Variants in TMEM106C observed in about 807,000 individuals in gnomAD.
TMEM106C encodes transmembrane protein 106C, also known as endoplasmic reticulum membrane protein overexpressed in cancer.
Under a neutral mutation model 30.8 loss-of-function variants are expected in TMEM106C, and 27 were observed. That is an observed-to-expected ratio of 0.88 (90% CI 0.65 to 1.21). The LOEUF is 1.21. Ranked by LOEUF, TMEM106C falls within the 50% of genes most tolerant of loss-of-function variation. The pLI is 0.00. For missense variants in TMEM106C, 288 were observed against 307.8 expected, an observed-to-expected ratio of 0.94 and a Z score of 0.48; for synonymous variants, 123 against 118.8, an observed-to-expected ratio of 1.04 and a Z score of -0.23.
intron 2 of TMEM106C, chr12:47,964,625 T>C: frequency 1.7e-6 from 1 of 584,320 alleles, no homozygotes; most frequent in Non-Finnish European, 3.1e-6. Context: ...CTTTCTTTTC[T>C]TTACCGCCAC....
In TMEM106C at chr12:47,964,600, CT is replaced by C. The variant is rs1350205388; in HGVS notation, c.187+179del. On this transcript the variant is annotated intron_variant, in intron 2 of 7. Transcript: ENST00000429772. ...CAGTTCTGCAACTTCTCTTCCTCTC[CT>C]TATTTTTCCAACCCTTTCTTTTCTT... is the stretch of plus-strand genomic sequence containing the variant. The C allele has an allele frequency of 8.2e-6, 5 of 609,272 alleles. No homozygotes were observed. In the African/African-American group the frequency reaches 9.2e-5, roughly 11 times the overall value. 37.7% of individuals were successfully genotyped at this position (609,272 alleles called of 1,614,324 possible).
Position 47,968,125 on chromosome 12 carries a change from T to C in TMEM106C, c.657-8T>C, listed in dbSNP as rs1938304090. On this transcript the variant is annotated splice_region_variant and splice_polypyrimidine_tract_variant and intron_variant, in intron 7 of 7. Transcript: ENST00000429772. ...ATAATTAATTCTTCTTGGTTTTCTT[T>C]TCCCTAGAACTTCAGTGAAGATTTC... The C allele has an allele frequency of 1.9e-6, 3 of 1,607,394 alleles. No individual in the cohort carries two copies. The highest frequency in any genetic ancestry group is 2.6e-6 in the Non-Finnish European group (3 of 1,174,072).
At position 47,966,187 on chromosome 12, in the gene TMEM106C, G is replaced by A. The variant is rs1054461294; in HGVS notation, c.510G>A (p.Val170=). The change falls in exon 5 of 8, where the codon GTG becomes GTA. Residue 170 remains valine, a synonymous_variant. Transcript: ENST00000429772. ...TGAACACAGTGGTCAGTACATATGT[G>A]ACTACTAACGTCTCCCTTATTCCAC... ...QYMNTVVSTY[V]TTNVSLIPPR... 3.1e-6 allele frequency: 5 copies of A among 1,613,810 alleles called. No individual in the cohort carries two copies. The African/African-American group carries it at 6.7e-5, about 22-fold the overall frequency.
chr12:47,968,253 C>A lies in TMEM106C; in HGVS notation c.*24C>A, dbSNP rs1938312410. On this transcript the variant is annotated 3_prime_UTR_variant, in exon 8 of 8. Transcript: ENST00000429772. ...AACAACTGCTATTGGTTCTTCCACA[C>A]AGCGCCTGTAGAAGAGAGCACAGCA... 1 of 1,553,932 alleles carries A rather than the reference C, an allele frequency of 6.4e-7. No individual in the cohort carries two copies. The highest frequency in any genetic ancestry group is 8.9e-7 in the Non-Finnish European group (1 of 1,126,258).
At position 47,964,804 on chromosome 12, in the gene TMEM106C, G is replaced by A. The variant is rs1023067450; in HGVS notation, c.187+381G>A. The stretch of plus-strand genomic sequence containing the variant: ...GGTAGCTAATCCTTAACAGCCTAAG[G>A]TCAGAAAAATATATCAGGTCAAGAG... On this transcript the variant is annotated intron_variant, in intron 2 of 7. Coordinates refer to ENST00000429772, the MANE Select transcript of TMEM106C (RefSeq NM_001143842.2). 2.9e-5 allele frequency: 9 copies of A among 309,090 alleles called. No individual in the cohort carries two copies. In the East Asian group the frequency reaches 4.2e-4, roughly 15 times the overall value. 19.1% of individuals were successfully genotyped at this position (309,090 alleles called of 1,614,324 possible). A position where few individuals can be genotyped will look rare whatever the true frequency, so the allele number is the denominator to read the frequency against.
Position 47,965,830 on chromosome 12 carries a change from A to G in TMEM106C, c.252-8A>G, listed in dbSNP as rs1938199388. On this transcript the variant is annotated splice_region_variant and splice_polypyrimidine_tract_variant and intron_variant, in intron 3 of 7. Coordinates refer to ENST00000429772, the MANE Select transcript of TMEM106C (RefSeq NM_001143842.2). ...GCCTGGGTCGGTCATGTGCTGTGTC[A>G]TTTGCAGTAAGCAATATGTCCTCCT... 6.2e-7 allele frequency: 1 copy of G among 1,614,058 alleles called. No homozygotes were observed. The highest frequency in any genetic ancestry group is 8.5e-7 in the Non-Finnish European group (1 of 1,179,994).
intron 2 of TMEM106C, among the ~76,000 whole-genome samples, chr12:47,965,005 G>C (rs1452585373): frequency 1.3e-5 from 2 of 152,212 alleles, no homozygotes; most frequent in Non-Finnish European, 2.9e-5. Context: ...ATGGCCTTGA[G>C]AGATTCGACG....
chr12:47,966,012 T>G lies in TMEM106C; in HGVS notation c.411+15T>G. The G allele has an allele frequency of 6.2e-7, 1 of 1,614,180 alleles. No homozygotes were observed. The highest frequency in any genetic ancestry group is 8.5e-7 in the Non-Finnish European group (1 of 1,180,018). On this transcript the variant is annotated intron_variant, in intron 4 of 7. Transcript: ENST00000429772. The stretch of plus-strand genomic sequence containing the variant: ...TCACCATCATGGTAAGCCTTAGGGT[T>G]TCATTCCCTGGGTTGTGCACCTGCC...
At chr12:47,968,019 G>T in intron 7 of TMEM106C, 114 bp from the exon 8 acceptor site, 1 of 698,414 alleles carries the variant, frequency 1.4e-6, no homozygotes. Flanking sequence ...GAGGATATGT[G>T]CCTGGGGCCC....
rs1392989109 is a variant in TMEM106C at position 47,965,948 on chromosome 12, T to C, written c.362T>C (p.Val121Ala). 6.2e-7 allele frequency: 1 copy of C among 1,614,222 alleles called. No individual in the cohort carries two copies. Among genetic ancestry groups the C allele is most frequent in the East Asian group, 2.2e-5 (1 of 44,884 alleles). The change falls in exon 4 of 8, where the codon GTG (valine) becomes GCG (alanine). Residue 121 changes from valine to alanine, a missense_variant. By Grantham distance (64) the Val-to-Ala change is moderately conservative. Transcript: ENST00000429772. ...VLVDDDGIKV[V>A]KVTFNKQDSL... is the part of the protein sequence containing the mutation. ...GTGGATGATGACGGCATCAAAGTGG[T>C]GAAAGTCACATTTAATAAGCAAGAC...
chr12:47,964,673 C>G, intron 2 of TMEM106C: 1 of 513,242 alleles, frequency 1.9e-6, no homozygotes, highest in Non-Finnish European at 3.5e-6. Context: ...ATTCAGTTCG[C>G]TCTGTGTTGT....
intron 1 of TMEM106C, 177 bp from the exon 2 acceptor site, chr12:47,964,032 A>G (rs780236454): frequency 1.5e-5 from 9 of 595,198 alleles, no homozygotes; most frequent in Non-Finnish European, 2.7e-5. Context: ...GGCGGGTAAG[A>G]GGAGAGTGGG....
intron 3 of TMEM106C, 24 bp from the exon 4 acceptor site, chr12:47,965,814 G>A (rs758814103): frequency 5.6e-6 from 9 of 1,612,254 alleles, no homozygotes; most frequent in South Asian, 2.2e-5. Flanking sequence ...TGCCTGGGTC[G>A]GTCATGTGCT....
At chr12:47,965,207 C>T (rs1938182543) in intron 2 of TMEM106C, 75 bp from the exon 3 acceptor site, 15 of 1,172,964 alleles carry the variant, frequency 1.3e-5, no homozygotes, top group East Asian at 2.4e-5. Flanking sequence ...TTTGTTGTGG[C>T]AGGCTCAAGT....
chr12:47,965,050 G>A (rs1938176344), intron 2 of TMEM106C, among the ~76,000 whole-genome samples: 1 of 152,148 alleles, frequency 6.6e-6, no homozygotes, highest in Non-Finnish European at 1.5e-5. Context: ...GCCAGAACAG[G>A]ATCCCAGGTT....
intron 5 of TMEM106C, 55 bp from the exon 6 acceptor site, chr12:47,966,628 C>A: frequency 6.3e-7 from 1 of 1,578,452 alleles, no homozygotes; most frequent in Non-Finnish European, 8.7e-7. Flanking sequence ...AATAATAATA[C>A]TGTTCTGTGT....
At chr12:47,963,936 G>A (rs1859448) in intron 1 of TMEM106C, 58,638 of 460,102 alleles carry the variant, frequency 0.13, 5,714 homozygotes, top group East Asian at 0.38. Context: ...GAGCGGGGGT[G>A]CCCCAAGTCC....
At position 47,967,262 on chromosome 12, in the gene TMEM106C, G is replaced by A; in HGVS notation, c.656+1G>A. The A allele has an allele frequency of 1.2e-6, 2 of 1,614,156 alleles. No homozygotes were observed. Among genetic ancestry groups the A allele is most frequent in the Non-Finnish European group, 1.7e-6 (2 of 1,180,014 alleles). Reference sequence around the variant, plus strand: ...TGCACAACATAGTGATCTTCATGCGGTGCGTCTCTCTTCCCTATCCCGATG... The same window carrying A: ...TGCACAACATAGTGATCTTCATGCGATGCGTCTCTCTTCCCTATCCCGATG... On this transcript the variant is annotated splice_donor_variant, in intron 7 of 7. Transcript: ENST00000429772. LOFTEE classifies it high-confidence loss of function.
Position 47,963,629 on chromosome 12 carries a change from G to C in TMEM106C, c.-104G>C, listed in dbSNP as rs1019556517. 6.5e-6 allele frequency: 1 copy of C among 152,748 alleles called. No individual in the cohort carries two copies. The highest frequency in any genetic ancestry group is 1.5e-5 in the Non-Finnish European group (1 of 68,430). The allele number at this position is 152,748 out of a possible 1,614,324, so 9.5% of individuals were successfully genotyped here. On this transcript the variant is annotated 5_prime_UTR_variant, in exon 1 of 8. Transcript: ENST00000429772. ...TGCGTGCCGCTCCGCCGACCGAAGA[G>C]GCTGGTAAGTCCTCAAGCTGGCAGG...
Sources: gnomAD v4.1 joint callset for allele counts (sites outside exome capture counted in the v4.1 genomes callset) on GRCh38, gnomAD v4.1.1 for gene constraint, MANE v1.5 for transcripts, NCBI Gene and HGNC (gene_info 2026-07-23, HGNC 2026-07-21) for gene names.